JADE3: variants seen among roughly 807,000 people sequenced by gnomAD.
JADE3 encodes the protein protein Jade-3.
A neutral mutation model predicts 50.1 loss-of-function variants in JADE3; 2 were observed. The observed-to-expected ratio is 0.04, with a 90% CI of 0.02 to 0.13. JADE3 has a LOEUF of 0.13. Among genes scored for constraint, JADE3 ranks in the 10% least tolerant of loss-of-function variants. JADE3 has a pLI of 1.00. For missense variants in JADE3, 475 were observed against 634.4 expected (o/e 0.75, Z 2.70); for synonymous variants, 218 against 232.9 (o/e 0.94, Z 0.58).
chrX:46,970,671 C>A (rs1927463640), intron 1 of JADE3, among the ~76,000 whole-genome samples: 1 of 111,722 alleles, frequency 9.0e-6, no homozygotes, highest in African/African-American at 3.3e-5. Flanking sequence ...TGGATTTGAA[C>A]TTGCTCAGTA....
At chrX:47,000,695 G>A (rs994531819) in intron 4 of JADE3, among the ~76,000 whole-genome samples, 1 of 110,872 alleles carries the variant, frequency 9.0e-6, no homozygotes, top group Non-Finnish European at 1.9e-5. Context: ...TGGGGTTACA[G>A]GCATGTGCCA....
chrX:47,051,332 A>G (rs1234865150), intron 8 of JADE3, among the ~76,000 whole-genome samples: 6 of 112,283 alleles, frequency 5.3e-5, no homozygotes, highest in African/African-American at 1.9e-4. Flanking sequence ...GAATTTCTCA[A>G]TCTAAGATGA....
At chrX:46,998,059 C>T in intron 3 of JADE3, 61 bp from the exon 4 acceptor site, 1 of 947,420 alleles carries the variant, frequency 1.1e-6, no homozygotes. Flanking sequence ...AAAAGGAGAA[C>T]ATTGAATGGT....
In JADE3 at chrX:47,033,604, C is replaced by T. The variant is rs782334502; in HGVS notation, c.688-17C>T. 1 of 1,191,975 alleles carries T rather than the reference C, an allele frequency of 8.4e-7. No homozygotes were observed. Among genetic ancestry groups the T allele is most frequent in the Non-Finnish European group, 1.1e-6 (1 of 883,159 alleles). ...GAAGGTGCTGACCATTCTCCCCTCT[C>T]CTCCTCATACCTCCAGGCCTGCTAT... is the stretch of plus-strand genomic sequence containing the variant. On this transcript the variant is annotated splice_polypyrimidine_tract_variant and intron_variant, in intron 6 of 10. Coordinates refer to ENST00000614628, the MANE Select transcript of JADE3 (RefSeq NM_014735.5).
chrX:46,918,884 A>G (rs1330488709), intron 1 of JADE3, among the ~76,000 whole-genome samples: 1 of 112,702 alleles, frequency 8.9e-6, no homozygotes, highest in Non-Finnish European at 1.9e-5. Flanking sequence ...AAGCTAAAGC[A>G]TGGAAGTGCT....
At chrX:46,978,283 G>A (rs782710284) in intron 1 of JADE3, among the ~76,000 whole-genome samples, 5 of 112,232 alleles carry the variant, frequency 4.5e-5, no homozygotes, top group Non-Finnish European at 9.4e-5. Flanking sequence ...ATTCACAGCC[G>A]TCCTGTGCCA....
chrX:46,962,621 A>G (rs967790711), intron 1 of JADE3, among the ~76,000 whole-genome samples: 5 of 111,932 alleles, frequency 4.5e-5, no homozygotes, highest in Admixed American at 9.5e-5. Context: ...ATTTCTTAAT[A>G]TATGTCCTTA....
chrX:46,972,686 G>A (rs1249285465), intron 1 of JADE3, among the ~76,000 whole-genome samples: 3 of 111,312 alleles, frequency 2.7e-5, no homozygotes, highest in Admixed American at 9.5e-5. Context: ...TGCAATCTCC[G>A]CCTCCCAGGT....
intron 1 of JADE3, among the ~76,000 whole-genome samples, chrX:46,972,813 T>C (rs1299862897): frequency 8.9e-6 from 1 of 111,812 alleles, no homozygotes; most frequent in Non-Finnish European, 1.9e-5. Flanking sequence ...TTGGCCAGGC[T>C]GGTCTCAAAC....
At chrX:46,960,284 G>T (rs1927230832) in intron 1 of JADE3, among the ~76,000 whole-genome samples, 1 of 111,504 alleles carries the variant, frequency 9.0e-6, no homozygotes, top group South Asian at 3.8e-4. Context: ...CTTTGAAAAG[G>T]CCTGCTTACA....
chrX:47,045,909 GA>G (rs1556370574), intron 8 of JADE3, among the ~76,000 whole-genome samples: 1 of 109,223 alleles, frequency 9.2e-6, no homozygotes. Flanking sequence ...GTACTAAGAG[GA>G]AAGTTTATAA....
rs782048529 is a variant in JADE3, at chrX:47,027,932, A to G, written c.516A>G (p.Val172=). ...ATGAGAATCTTATGGAAAAGACAGT[A>G]GAAGTCCTGGAACGCCATTGCCATG... ...PVDENLMEKT[V]EVLERHCHEN... The change falls in exon 6 of 11, where the codon GTA becomes GTG. Residue 172 remains valine (V), a synonymous_variant. Coordinates refer to ENST00000614628, the MANE Select transcript of JADE3 (RefSeq NM_014735.5). 5 of 1,209,044 alleles carry G rather than the reference A, an allele frequency of 4.1e-6. No homozygotes were observed. The highest frequency in any genetic ancestry group is 4.6e-4 in the Middle Eastern group (2 of 4,376).
intron 1 of JADE3, among the ~76,000 whole-genome samples, chrX:46,948,702 TA>T (rs1257278498): frequency 9.9e-5 from 11 of 111,270 alleles, no homozygotes; most frequent in African/African-American, 3.6e-4. Context: ...GAACAAGTCA[TA>T]AGGGTACAAC....
At chrX:46,982,890 G>A (rs1043194218) in intron 1 of JADE3, among the ~76,000 whole-genome samples, 33 of 110,804 alleles carry the variant, frequency 3.0e-4, no homozygotes, top group Admixed American at 2.9e-3. Context: ...GTGCAGTGGC[G>A]CGATCTCAGC....
intron 1 of JADE3, among the ~76,000 whole-genome samples, chrX:46,948,285 G>A (rs1456971433): frequency 1.8e-5 from 2 of 111,881 alleles, no homozygotes; most frequent in Non-Finnish European, 3.8e-5. Context: ...AGCACGCAAA[G>A]GAATGTCACT....
intron 1 of JADE3, among the ~76,000 whole-genome samples, chrX:46,959,229 G>A (rs1358975796): frequency 8.9e-6 from 1 of 112,416 alleles, no homozygotes; most frequent in African/African-American, 3.2e-5. Context: ...TCACCTGTGT[G>A]TTCCTGTGAT....
chrX:47,035,488 A>G (rs1006221785), intron 7 of JADE3, among the ~76,000 whole-genome samples: 25 of 112,233 alleles, frequency 2.2e-4, no homozygotes, highest in African/African-American at 8.1e-4. Flanking sequence ...ACTGTTTTCC[A>G]ACAGCAAATC....
At chrX:46,992,115 G>A (rs1928025977) in intron 3 of JADE3, among the ~76,000 whole-genome samples, 1 of 111,087 alleles carries the variant, frequency 9.0e-6, no homozygotes, top group African/African-American at 3.3e-5. Context: ...GTAACACAGG[G>A]AGGCTGAGGC....
At chrX:46,923,389 CTCTCTTTTTTTT>C (rs1405843740) in intron 1 of JADE3, among the ~76,000 whole-genome samples, 6 of 24,190 alleles carry the variant, frequency 2.5e-4, no homozygotes, top group African/African-American at 4.8e-4. Flanking sequence ...CTCTCTCTCT[CTCTCTTTTTTTT>C]TTTTTTTTTT....
Sources: gnomAD v4.1 joint callset for allele counts (sites outside exome capture counted in the v4.1 genomes callset) on GRCh38, gnomAD v4.1.1 for gene constraint, MANE v1.5 for transcripts, NCBI Gene and HGNC (gene_info 2026-07-23, HGNC 2026-07-21) for gene names.